Variants in MCMDC2 observed in about 807,000 individuals in gnomAD.
MCMDC2 encodes minichromosome maintenance domain-containing protein 2.
In MCMDC2, 54 loss-of-function variants were observed where a neutral mutation model predicts 75.8. That is an observed-to-expected ratio of 0.71 (90% confidence interval 0.57 to 0.89). MCMDC2 has a LOEUF of 0.89. Among genes scored for constraint, MCMDC2 ranks in the 40% least tolerant of loss-of-function variants. The pLI, the probability that MCMDC2 is intolerant of heterozygous loss-of-function variation, is 0.00. For synonymous variants in MCMDC2, 249 were observed against 274.6 expected (o/e 0.91, Z 0.92); for missense variants, 656 against 780.4 (o/e 0.84, Z 1.90).
At chr8:66,926,307 A>AG (rs1234411714), downstream of MCMDC2, 1 of 152,222 alleles carries the variant, frequency 6.6e-6, no homozygotes, top group Non-Finnish European at 1.5e-5. Flanking sequence ...TTGATGCTGG[A>AG]GCAGAAAGGC....
chr8:66,874,348 C>A lies in MCMDC2; in HGVS notation c.117C>A (p.Val39=). The A allele has an allele frequency of 6.2e-7, 1 of 1,612,714 alleles. No individual in the cohort carries two copies. Among genetic ancestry groups the A allele is most frequent in the South Asian group, 1.1e-5 (1 of 90,478 alleles). ...TAGATTCAAAACAAAGCTATGCTGT[C>A]TATCGATTCAAAATTTTAATAAATC... ...YYNDSKQSYA[V]YRFKILINPS... is the part of the protein sequence containing the mutation. Residue 39 remains valine, a synonymous_variant, in exon 3 of 15, where the codon GTC becomes GTA. Transcript: ENST00000422365.
chr8:66,879,888 G>A lies in MCMDC2; in HGVS notation c.710-961G>A, dbSNP rs532177607. The stretch of plus-strand genomic sequence containing the variant: ...TTGGAGTTATTGTTCAGCTCTCTGG[G>A]GCTAGAGAGAAAAGAGAAAAAAAGG... On this transcript the variant is annotated intron_variant, in intron 7 of 14. Transcript: ENST00000422365. 9.3e-4 allele frequency among the ~76,000 whole-genome samples: 141 copies of A among 152,100 alleles called. 2 individuals are homozygous for A. Among genetic ancestry groups the A allele is most frequent in the Middle Eastern group, 3.4e-3 (1 of 294 alleles).
downstream of MCMDC2, among the ~76,000 whole-genome samples, chr8:66,925,761 T>C (rs183364231): frequency 3.3e-5 from 5 of 152,304 alleles, no homozygotes; most frequent in African/African-American, 1.2e-4. Flanking sequence ...CTTTGTGACT[T>C]CCCGCAGGGG....
chr8:66,915,190 C>T (rs942648129), intron 14 of MCMDC2, among the ~76,000 whole-genome samples: 3 of 151,886 alleles, frequency 2.0e-5, no homozygotes, highest in Non-Finnish European at 4.4e-5. Context: ...TGGCCAGGAG[C>T]GGTGGCTCAC....
At chr8:66,891,566 T>C (rs1391136964) in intron 10 of MCMDC2, among the ~76,000 whole-genome samples, 1 of 152,188 alleles carries the variant, frequency 6.6e-6, no homozygotes, top group Non-Finnish European at 1.5e-5. Flanking sequence ...TCTGCCTCTG[T>C]TAATATGATC....
chr8:66,896,949 A>G lies in MCMDC2; in HGVS notation c.1616A>G (p.Asp539Gly). The G allele has an allele frequency of 6.3e-7, 1 of 1,599,814 alleles. No homozygotes were observed. Among genetic ancestry groups the G allele is most frequent in the East Asian group, 2.3e-5 (1 of 43,500 alleles). The part of the protein sequence containing the change: ...YAASRQFTTE[D>G]FEKLLAFAKN... ...GCTTCTAGACAGTTCACAACTGAAG[A>G]TTTTGAAAAGGTAAAGGTGGATAAA... The change falls in exon 12 of 15, where the codon GAT becomes GGT. Residue 539 changes from aspartate to glycine, a missense_variant. Asp to Gly is a moderately conservative substitution (Grantham distance 94). Transcript: ENST00000422365.
In MCMDC2 at chr8:66,879,022, G is replaced by A. The variant is rs1026652340; in HGVS notation, c.709+103G>A. 11 of 707,276 alleles carry A rather than the reference G, an allele frequency of 1.6e-5. No homozygotes were observed. The African/African-American group carries it at 2.0e-4, about 13-fold the overall frequency. 43.8% of individuals were successfully genotyped at this position (707,276 alleles called of 1,614,324 possible). ...TGTAATCCCAACACTTTTGGAGGCTGAGGTGGGAGGATCACTTGAGGCCAG... is the reference window on the plus strand; with the variant it reads ...TGTAATCCCAACACTTTTGGAGGCTAAGGTGGGAGGATCACTTGAGGCCAG... On this transcript the variant is annotated intron_variant, in intron 7 of 14. Transcript: ENST00000422365.
At chr8:66,923,732 A>G (rs1460051080), downstream of MCMDC2, among the ~76,000 whole-genome samples, 1 of 152,054 alleles carries the variant, frequency 6.6e-6, no homozygotes, top group Non-Finnish European at 1.5e-5. Context: ...CACTAAAAAT[A>G]CAATAATTAA....
downstream of MCMDC2, chr8:66,925,583 C>T (rs1813696916): frequency 6.6e-6 from 1 of 152,266 alleles, no homozygotes; most frequent in South Asian, 2.1e-4. Flanking sequence ...ACTCCGGTGG[C>T]CCCGCCTCTT....
At chr8:66,917,714 C>A (rs1480869820) in intron 14 of MCMDC2, among the ~76,000 whole-genome samples, 1 of 152,172 alleles carries the variant, frequency 6.6e-6, no homozygotes, top group Non-Finnish European at 1.5e-5. Context: ...CAAGGTTCAT[C>A]CATATTATGC....
rs914047236 is a variant in MCMDC2 at position 66,920,889 on chromosome 8, T to C, written c.*1720T>C. ...AATTTTGCCATGTTTCCCAGGCTGG[T>C]CTCAAGTCATCCTCCCATCTCAGTA... is the stretch of plus-strand genomic sequence containing the variant. On this transcript the variant is annotated 3_prime_UTR_variant, in exon 15 of 15. Transcript: ENST00000422365. The C allele has an allele frequency of 6.6e-6, 1 of 152,098 alleles. No individual in the cohort carries two copies. Among genetic ancestry groups the C allele is most frequent in the Non-Finnish European group, 1.5e-5 (1 of 68,040 alleles). The allele number at this position is 152,098 out of a possible 1,614,324, so 9.4% of individuals were successfully genotyped here.
At chr8:66,895,622 C>G (rs1812317299) in intron 10 of MCMDC2, among the ~76,000 whole-genome samples, 1 of 152,088 alleles carries the variant, frequency 6.6e-6, no homozygotes, top group South Asian at 2.1e-4. Flanking sequence ...TGGTCTCAAA[C>G]TCCTGGGCTC....
At chr8:66,910,006 G>A (rs1363777661) in intron 14 of MCMDC2, among the ~76,000 whole-genome samples, 3 of 152,240 alleles carry the variant, frequency 2.0e-5, no homozygotes, top group African/African-American at 4.8e-5. Flanking sequence ...AGGGGCTAAC[G>A]TATAGCTCAG....
rs952719339 is a variant in MCMDC2, at chr8:66,894,943, A to G, written c.1280-1227A>G. On this transcript the variant is annotated intron_variant, in intron 10 of 14. Coordinates refer to ENST00000422365, the MANE Select transcript of MCMDC2 (RefSeq NM_173518.5). The stretch of plus-strand genomic sequence containing the variant: ...CCTACTCCCTCACAGTCCCTGGCAA[A>G]CACTATTTGCTTTCTGTTTCTGTGT... Among the ~76,000 whole-genome samples the G allele has an allele frequency of 5.9e-5, 9 of 152,146 alleles. No homozygotes were observed. In the South Asian group the frequency reaches 1.9e-3, roughly 32 times the overall value.
downstream of MCMDC2, among the ~76,000 whole-genome samples, chr8:66,924,736 T>G (rs1348679232): frequency 6.6e-6 from 1 of 152,114 alleles, no homozygotes; most frequent in Non-Finnish European, 1.5e-5. Flanking sequence ...CACATCTCTA[T>G]GTAAATACAA....
intron 8 of MCMDC2, among the ~76,000 whole-genome samples, chr8:66,881,216 G>T (rs1201815563): frequency 6.6e-6 from 1 of 152,196 alleles, no homozygotes; most frequent in Non-Finnish European, 1.5e-5. Context: ...GGATAATGTT[G>T]TGGAAACTTT....
chr8:66,896,061 C>T, intron 10 of MCMDC2, 109 bp from the exon 11 acceptor site: 1 of 956,232 alleles, frequency 1.0e-6, no homozygotes, highest in South Asian at 1.8e-5. Context: ...CTTTCTTTCA[C>T]TATCCAAAGT....
At position 66,896,808 on chromosome 8, in the gene MCMDC2, T is replaced by C; in HGVS notation, c.1475T>C (p.Val492Ala). 3 of 1,612,512 alleles carry C rather than the reference T, an allele frequency of 1.9e-6. No homozygotes were observed. The highest frequency in any genetic ancestry group is 2.5e-6 in the Non-Finnish European group (3 of 1,179,390). The change falls in exon 12 of 15, where the codon GTG becomes GCG. Residue 492 changes from valine (V) to alanine (A), a missense_variant. Val to Ala is a moderately conservative substitution (Grantham distance 64). Transcript: ENST00000422365. ...MDCSLIPANL[V>A]EAFGLLINCN... ...TGCAGTTTGATTCCAGCTAACCTTG[T>C]GGAGGCATTTGGTTTATTGATTAAC...
At chr8:66,890,843 A>T (rs1812069751) in intron 9 of MCMDC2, 22 bp from the exon 10 acceptor site, 1 of 1,580,058 alleles carries the variant, frequency 6.3e-7, no homozygotes, top group Non-Finnish European at 8.6e-7. Context: ...ATAGTAATGA[A>T]AAGTTTATTT....
Sources: allele counts gnomAD v4.1 joint callset (sites outside exome capture counted in the v4.1 genomes callset), GRCh38; gene constraint gnomAD v4.1.1; transcripts MANE v1.5; gene names NCBI Gene and HGNC (gene_info 2026-07-23, HGNC 2026-07-21).